Variants in ALDH1L1 observed in about 807,000 individuals in gnomAD.
The protein encoded by ALDH1L1 is aldehyde dehydrogenase 1 family member L1, also known as cytosolic 10-formyltetrahydrofolate dehydrogenase.
In ALDH1L1, 68 loss-of-function variants were observed where a neutral mutation model predicts 101.1. The ratio of observed to expected loss-of-function variants is 0.67; its 90% confidence interval spans 0.55 to 0.82. The LOEUF (loss-of-function observed/expected upper bound fraction) is 0.82. ALDH1L1 is among the 40% of genes least tolerant of loss of function. The probability of loss-of-function intolerance (pLI) is 0.00; values close to 1 mark genes in which losing one functional copy is unlikely to be tolerated. For missense variants in ALDH1L1, 1,087 were observed against 1,172.7 expected (o/e 0.93, Z 1.07); for synonymous variants, 486 against 470.8 (o/e 1.03, Z -0.42).
intron 18 of ALDH1L1, 56 bp from the exon 19 acceptor site, chr3:126,112,936 C>G (rs573475751): frequency 6.5e-7 from 1 of 1,542,976 alleles, no homozygotes. Context: ...CACCAGCCCC[C>G]GGCTCTGCCA....
chr3:126,134,284 C>G (rs1366898194), intron 12 of ALDH1L1, among the ~76,000 whole-genome samples: 2 of 152,016 alleles, frequency 1.3e-5, no homozygotes, highest in African/African-American at 4.8e-5. Context: ...GTGCCCCCCT[C>G]ACTGTCATTA....
chr3:126,147,962 A>AT (rs1310190976), intron 8 of ALDH1L1, among the ~76,000 whole-genome samples: 1 of 151,968 alleles, frequency 6.6e-6, no homozygotes, highest in African/African-American at 2.4e-5. Context: ...CCCAGCTAAT[A>AT]TTTAAGTCCT....
intron 7 of ALDH1L1, chr3:126,151,629 G>T (rs2080808716): frequency 6.6e-6 from 1 of 152,246 alleles, no homozygotes; most frequent in African/African-American, 2.4e-5. Context: ...GTGGGTGCAT[G>T]TCACTGTGCG....
At chr3:126,180,323 C>T in intron 1 of ALDH1L1, 153 bp downstream of exon 1, 1 of 440,994 alleles carries the variant, frequency 2.3e-6, no homozygotes, top group Non-Finnish European at 3.0e-6. Flanking sequence ...CCGAGCCCGG[C>T]GTCCCAGCGG....
At position 126,146,919 on chromosome 3, in the gene ALDH1L1, C is replaced by G. The variant is rs1559950111; in HGVS notation, c.992G>C (p.Trp331Ser). 4 of 1,613,742 alleles carry G rather than the reference C, an allele frequency of 2.5e-6. No individual in the cohort carries two copies. Among genetic ancestry groups the G allele is most frequent in the Non-Finnish European group, 3.4e-6 (4 of 1,179,894 alleles). The change falls in exon 9 of 23, where the codon TGG (tryptophan) becomes TCG (serine). Residue 331 changes from tryptophan to serine, a missense_variant. Coordinates refer to ENST00000393434, the MANE Select transcript of ALDH1L1 (RefSeq NM_012190.4). Reference protein sequence around the residue: ...LVTAEAVRSVWQRILPKVLEV... With the variant: ...LVTAEAVRSVSQRILPKVLEV... ...CAGGACTTTGGGGAGGATCCGCTGCCAAACACTCTGCAAAGCAAGACCTGA... is the reference window on the plus strand; with the variant it reads ...CAGGACTTTGGGGAGGATCCGCTGCGAAACACTCTGCAAAGCAAGACCTGA...
At position 126,158,610 on chromosome 3, in the gene ALDH1L1, C is replaced by T. The variant is rs921718364; in HGVS notation, c.157G>A (p.Val53Ile). 1.2e-6 allele frequency: 2 copies of T among 1,613,424 alleles called. No individual in the cohort carries two copies. The highest frequency in any genetic ancestry group is 1.7e-5 in the Admixed American group (1 of 60,002). ...GLEAEKDGVPVFKYSRWRAKG... is the reference protein window; with the variant it reads ...GLEAEKDGVPIFKYSRWRAKG... Reference sequence around the variant, plus strand: ...GCACGCCACCGGGAGTACTTGAATACCGGCACTCCATCCTTCTCAGCTTCC... The same window carrying T: ...GCACGCCACCGGGAGTACTTGAATATCGGCACTCCATCCTTCTCAGCTTCC... The change falls in exon 3 of 23, where the codon GTA becomes ATA. Residue 53 changes from valine to isoleucine, a missense_variant. By Grantham distance (29) the Val-to-Ile change is conservative. Coordinates refer to ENST00000393434, the MANE Select transcript of ALDH1L1 (RefSeq NM_012190.4).
chr3:126,104,235 G>A (rs1053735830), intron 22 of ALDH1L1: 1 of 254,966 alleles, frequency 3.9e-6, no homozygotes, highest in Non-Finnish European at 7.6e-6. Context: ...GCTGGGAAAA[G>A]GGGATGCCTC....
chr3:126,182,895 T>G (rs1576508790), upstream of ALDH1L1, among the ~76,000 whole-genome samples: 1 of 152,152 alleles, frequency 6.6e-6, no homozygotes, highest in East Asian at 1.9e-4. Flanking sequence ...CCTCCTGGCT[T>G]CTTCTTGCTG....
At chr3:126,142,172 T>C (rs1158294550) in intron 9 of ALDH1L1, among the ~76,000 whole-genome samples, 1 of 93,636 alleles carries the variant, frequency 1.1e-5, no homozygotes, top group Admixed American at 9.8e-5. Context: ...TGAATAGATA[T>C]ATAACTAGTA....
chr3:126,190,424 G>A (rs1203727163), intron 1 of ALDH1L1, among the ~76,000 whole-genome samples: 3 of 152,108 alleles, frequency 2.0e-5, no homozygotes, highest in South Asian at 2.1e-4. Flanking sequence ...CCTTAACAAC[G>A]GAAGCTTCAA....
Position 126,178,489 on chromosome 3 carries a change from G to A in ALDH1L1, c.-24+1987C>T, listed in dbSNP as rs572695124. 3.6e-4 allele frequency among the ~76,000 whole-genome samples: 54 copies of A among 151,500 alleles called. 1 individual carries two copies. Among genetic ancestry groups the A allele is most frequent in the Middle Eastern group, 3.5e-3 (1 of 284 alleles). ...TGAGAATATGGGAACTCTGCACTCC[G>A]TCCTCAATTCTTCTGTAAACCTAAA... On this transcript the variant is annotated intron_variant, in intron 1 of 22. Transcript: ENST00000393434.
In ALDH1L1 at chr3:126,109,921, GGACCT is replaced by G; in HGVS notation, c.2347+18_2347+22del. 3 of 1,612,074 alleles carry G rather than the reference GGACCT, an allele frequency of 1.9e-6. No homozygotes were observed. Among genetic ancestry groups the G allele is most frequent in the Non-Finnish European group, 2.5e-6 (3 of 1,179,456 alleles). Reference sequence around the variant, plus strand: ...ACCTGCTGCCTCAATTGACCCAAGCGGACCTGACACACTCTGACTCACCTGGCCGA... The same window carrying G: ...ACCTGCTGCCTCAATTGACCCAAGCGGACACACTCTGACTCACCTGGCCGA... On this transcript the variant is annotated intron_variant, in intron 20 of 22. Transcript: ENST00000393434.
At chr3:126,187,631 G>A (rs756960629) in intron 1 of ALDH1L1, among the ~76,000 whole-genome samples, 7 of 152,156 alleles carry the variant, frequency 4.6e-5, no homozygotes, top group South Asian at 2.1e-4. Context: ...AAGCAGGCAC[G>A]GAGGAAAAGG....
intron 7 of ALDH1L1, chr3:126,152,987 G>GAT: frequency 3.7e-6 from 1 of 273,292 alleles, no homozygotes; most frequent in Non-Finnish European, 7.1e-6. Flanking sequence ...AGAGCAGGTG[G>GAT]CCGGCATGGC....
In ALDH1L1 at chr3:126,130,018, T is replaced by G. The variant is rs4646736; in HGVS notation, c.1694+205A>C. 1,424 of 442,210 alleles carry G rather than the reference T, an allele frequency of 3.2e-3. 34 individuals carry two copies. In the East Asian group the frequency reaches 0.049, roughly 15 times the overall value. 27.4% of individuals were successfully genotyped at this position (442,210 alleles called of 1,614,324 possible). A position where few individuals can be genotyped will look rare whatever the true frequency, so the allele number is the denominator to read the frequency against. On this transcript the variant is annotated intron_variant, in intron 14 of 22. Transcript: ENST00000393434. ...TGTTTCCCACCGTGGACCTGACTGA[T>G]CCAGTGTTACTGGGAGATTAAATAC...
rs1172573193 is a variant in ALDH1L1 at position 126,136,834 on chromosome 3, A to C, written c.1274T>G (p.Phe425Cys). ...GGCATCCACGAACTCCCCCCCAATG[A>C]AGAGCTGGTGGGGCATGCGGACAGT... is the stretch of plus-strand genomic sequence containing the variant. ...KRTVRMPHQLFIGGEFVDAEG... is the reference protein window; with the variant it reads ...KRTVRMPHQLCIGGEFVDAEG... Residue 425 changes from phenylalanine to cysteine, a missense_variant, in exon 11 of 23, where the codon TTC becomes TGC. Transcript: ENST00000393434. The C allele has an allele frequency of 6.2e-7, 1 of 1,611,640 alleles. No homozygotes were observed. Among genetic ancestry groups the C allele is most frequent in the East Asian group, 2.2e-5 (1 of 44,856 alleles).
chr3:126,153,240 C>T, intron 7 of ALDH1L1: 1 of 741,230 alleles, frequency 1.3e-6, no homozygotes, highest in Non-Finnish European at 2.2e-6. Context: ...TTTCCCAGAA[C>T]AGAGAAGTGG....
chr3:126,161,384 C>T (rs2081046846), intron 1 of ALDH1L1, among the ~76,000 whole-genome samples: 1 of 152,216 alleles, frequency 6.6e-6, no homozygotes, highest in South Asian at 2.1e-4. Context: ...CACACTTGTT[C>T]ATGAGAAAGA....
chr3:126,174,458 C>T (rs1420746678), intron 1 of ALDH1L1, among the ~76,000 whole-genome samples: 1 of 152,228 alleles, frequency 6.6e-6, no homozygotes, highest in Non-Finnish European at 1.5e-5. Context: ...AATACACATT[C>T]TTCTCAAGTT....
Sources: gnomAD v4.1 joint callset for allele counts (sites outside exome capture counted in the v4.1 genomes callset) on GRCh38, gnomAD v4.1.1 for gene constraint, MANE v1.5 for transcripts, NCBI Gene and HGNC (gene_info 2026-07-23, HGNC 2026-07-21) for gene names.